CLXN: variants seen among roughly 807,000 people sequenced by gnomAD.
The protein encoded by CLXN is EF-hand calcium binding domain 1.
chr8:48,729,572 A>G, the CLXN span: 1 of 801,360 alleles, frequency 1.2e-6, no homozygotes, highest in South Asian at 2.5e-5. Flanking sequence ...GTGAAACTGA[A>G]AAGAACTATT....
chr8:48,726,484 T>TCATCCATCCATC, the CLXN span, among the ~76,000 whole-genome samples: 1,099 of 105,342 alleles, frequency 0.01, 28 homozygotes, highest in African/African-American at 0.038. Context: ...ATCCATCCAT[T>TCATCCATCCATC]CATCCATCCA....
chr8:48,727,726 A>C, the CLXN span, among the ~76,000 whole-genome samples: 1 of 152,168 alleles, frequency 6.6e-6, no homozygotes, highest in Non-Finnish European at 1.5e-5. Context: ...CAGCATTTGC[A>C]TTTTAAACAT....
the CLXN span, chr8:48,729,895 T>C: frequency 2.5e-6 from 4 of 1,592,878 alleles, no homozygotes; most frequent in African/African-American, 5.4e-5. Context: ...TAACAAATCA[T>C]GAATTTGATG....
At chr8:48,718,447 G>A in the CLXN span, among the ~76,000 whole-genome samples, 283 of 152,072 alleles carry the variant, frequency 1.9e-3, no homozygotes, top group African/African-American at 6.1e-3. Context: ...GATGACTTGC[G>A]CAACACTATG....
chr8:48,723,355 G>A, the CLXN span: 2 of 152,102 alleles, frequency 1.3e-5, no homozygotes, highest in African/African-American at 4.8e-5. Flanking sequence ...TTGTGTCAAA[G>A]TCCATCTATG....
At chr8:48,718,075 G>A in the CLXN span, among the ~76,000 whole-genome samples, 6 of 152,148 alleles carry the variant, frequency 3.9e-5, no homozygotes, top group South Asian at 2.1e-4. Context: ...CCAGCAATAC[G>A]CTGTCTACAA....
chr8:48,718,093 G>A, the CLXN span, among the ~76,000 whole-genome samples: 18 of 152,112 alleles, frequency 1.2e-4, no homozygotes, highest in African/African-American at 4.3e-4. Context: ...CAAGAGACTT[G>A]CTTTAAATTT....
the CLXN span, among the ~76,000 whole-genome samples, chr8:48,725,716 A>C: frequency 8.5e-5 from 13 of 152,132 alleles, no homozygotes; most frequent in Non-Finnish European, 1.6e-4. Flanking sequence ...AGGCAGGAGA[A>C]TCACTTGAAC....
chr8:48,726,148 AT>A, the CLXN span, among the ~76,000 whole-genome samples: 3 of 140,466 alleles, frequency 2.1e-5, no homozygotes, highest in Non-Finnish European at 3.1e-5. Flanking sequence ...CCATCCATCC[AT>A]CCATCCACCC....
the CLXN span, chr8:48,735,117 G>T: frequency 6.2e-7 from 1 of 1,614,064 alleles, no homozygotes; most frequent in Non-Finnish European, 8.5e-7. Flanking sequence ...TTTGGTTAAG[G>T]TGTCCGTCAG....
chr8:48,711,625 AC>A, the CLXN span: 1 of 152,216 alleles, frequency 6.6e-6, no homozygotes, highest in African/African-American at 2.4e-5. Context: ...ATCTCACAAT[AC>A]ATGTACACCA....
chr8:48,722,427 G>C, the CLXN span, among the ~76,000 whole-genome samples: 1 of 152,098 alleles, frequency 6.6e-6, no homozygotes, highest in Non-Finnish European at 1.5e-5. Context: ...CCACTTCTAG[G>C]TATACAACCA....
At chr8:48,711,765 G>A in the CLXN span, 3 of 152,196 alleles carry the variant, frequency 2.0e-5, no homozygotes, top group African/African-American at 7.2e-5. Context: ...AAGGTCTTCA[G>A]CATTAGAACT....
the CLXN span, among the ~76,000 whole-genome samples, chr8:48,718,957 C>G: frequency 6.6e-6 from 1 of 151,002 alleles, no homozygotes; most frequent in South Asian, 2.1e-4. Context: ...AAGATAAAAG[C>G]AGAAATAAAA....
chr8:48,725,156 C>T, the CLXN span, among the ~76,000 whole-genome samples: 3 of 152,004 alleles, frequency 2.0e-5, no homozygotes, highest in Non-Finnish European at 2.9e-5. Flanking sequence ...AAGGCACAGC[C>T]GGGCCTTGGT....
chr8:48,720,091 T>C, the CLXN span, among the ~76,000 whole-genome samples: 3 of 152,234 alleles, frequency 2.0e-5, no homozygotes, highest in Non-Finnish European at 4.4e-5. Flanking sequence ...CTTAATCCTG[T>C]TATCTTTGTA....
the CLXN span, among the ~76,000 whole-genome samples, chr8:48,716,775 A>G: frequency 6.6e-6 from 1 of 152,178 alleles, no homozygotes; most frequent in Admixed American, 6.5e-5. Flanking sequence ...AAAAAGGAAA[A>G]AAAAAACAGT....
At chr8:48,722,515 T>A in the CLXN span, among the ~76,000 whole-genome samples, 1 of 152,190 alleles carries the variant, frequency 6.6e-6, no homozygotes, top group African/African-American at 2.4e-5. Flanking sequence ...AGCCATGATA[T>A]GGAAACTACC....
the CLXN span, among the ~76,000 whole-genome samples, chr8:48,729,461 T>C: frequency 1.3e-5 from 2 of 151,220 alleles, no homozygotes; most frequent in South Asian, 4.2e-4. Flanking sequence ...AGTTTGATGA[T>C]GCAGTGAGCT....
Sources: allele counts gnomAD v4.1 joint callset (sites outside exome capture counted in the v4.1 genomes callset), GRCh38; gene constraint gnomAD v4.1.1; transcripts MANE v1.5; gene names NCBI Gene and HGNC (gene_info 2026-07-23, HGNC 2026-07-21).